The following FNDC3A variants were observed in gnomAD, a reference collection of about 807,000 sequenced individuals.
FNDC3A encodes fibronectin type-III domain-containing protein 3A.
A neutral mutation model predicts 148.9 loss-of-function variants in FNDC3A; 32 were observed. The ratio of observed to expected loss-of-function variants is 0.21; its 90% CI spans 0.16 to 0.29. The LOEUF is 0.29. FNDC3A is among the 10% of genes least tolerant of loss of function. The probability of loss-of-function intolerance (pLI) is 1.00; values close to 1 mark genes in which losing one functional copy is unlikely to be tolerated. For missense variants in FNDC3A, 1,191 were observed against 1,452.8 expected (o/e 0.82, Z 2.93); for synonymous variants, 472 against 473.6 (o/e 1.00, Z 0.04).
At chr13:49,074,697 G>A (rs1353221143) in intron 2 of FNDC3A, among the ~76,000 whole-genome samples, 1 of 152,098 alleles carries the variant, frequency 6.6e-6, no homozygotes, top group Non-Finnish European at 1.5e-5. Context: ...AATTAATCCT[G>A]TGCAGCATAA....
chr13:49,198,804 C>T (rs1011956011), intron 23 of FNDC3A, among the ~76,000 whole-genome samples: 2 of 151,972 alleles, frequency 1.3e-5, no homozygotes, highest in Non-Finnish European at 1.5e-5. Context: ...TTTTCAAAAA[C>T]GAAGTCAAGA....
rs1022351352 is a variant in FNDC3A at position 49,131,712 on chromosome 13, G to T, written c.490+338G>T. ...ACCATGTCATTGTTAAATCCTATTG[G>T]CTGTGATGCCACTACACAAAGCTGC... On this transcript the variant is annotated intron_variant, in intron 5 of 25. Transcript: ENST00000492622. 4.7e-4 allele frequency among the ~76,000 whole-genome samples: 71 copies of T among 152,252 alleles called. 1 individual carries two copies. The highest frequency in any genetic ancestry group is 4.4e-3 in the Admixed American group (68 of 15,296).
chr13:49,164,410 C>T (rs1027442441), intron 8 of FNDC3A, among the ~76,000 whole-genome samples: 2 of 152,132 alleles, frequency 1.3e-5, no homozygotes, highest in Non-Finnish European at 2.9e-5. Context: ...TGTTTCATAT[C>T]TGACTCTCTG....
chr13:49,025,074 G>A (rs536671569), intron 2 of FNDC3A, among the ~76,000 whole-genome samples: 5 of 152,060 alleles, frequency 3.3e-5, no homozygotes, highest in South Asian at 2.1e-4. Flanking sequence ...AGGACAAACC[G>A]TAAATCATTA....
intron 4 of FNDC3A, among the ~76,000 whole-genome samples, chr13:49,122,224 A>C (rs1881397305): frequency 6.6e-6 from 1 of 152,184 alleles, no homozygotes; most frequent in Non-Finnish European, 1.5e-5. Context: ...GTAATCTATC[A>C]CATAAACAGC....
Position 49,174,667 on chromosome 13 carries a change from T to A in FNDC3A, c.1355+108T>A, listed in dbSNP as rs183564412. 7.0e-6 allele frequency: 7 copies of A among 1,003,036 alleles called. No homozygotes were observed. The Admixed American group carries it at 1.9e-4, about 27-fold the overall frequency. The allele number at this position is 1,003,036 out of a possible 1,614,324, so 62.1% of individuals were successfully genotyped here. On this transcript the variant is annotated intron_variant, in intron 12 of 25. Transcript: ENST00000492622. ...TATTCATTAAAAATTCTGCTTAGTT[T>A]ATCTCTTTGTTGATATAGTTAAGAT...
chr13:49,099,165 T>C (rs1879709547), intron 3 of FNDC3A, among the ~76,000 whole-genome samples: 1 of 152,182 alleles, frequency 6.6e-6, no homozygotes, highest in Admixed American at 6.6e-5. Flanking sequence ...TTTAAAACAA[T>C]ATTATTAGTA....
rs373377735 is a variant in FNDC3A at position 49,145,539 on chromosome 13, G to T, written c.820-239G>T. Among the ~76,000 whole-genome samples the T allele has an allele frequency of 2.0e-5, 3 of 151,964 alleles. No homozygotes were observed. The East Asian group carries it at 5.8e-4, about 29-fold the overall frequency. On this transcript the variant is annotated intron_variant, in intron 7 of 25. Transcript: ENST00000492622. ...ATCCCAGTTTTTTTCTTTTGACTAT[G>T]TATGGTGTCTACGCTAATAGTTTTG...
intron 5 of FNDC3A, among the ~76,000 whole-genome samples, chr13:49,135,692 GA>G (rs1381531918): frequency 6.6e-6 from 1 of 152,054 alleles, no homozygotes; most frequent in African/African-American, 2.4e-5. Context: ...AAACTCTGGG[GA>G]CAATTGAATT....
At chr13:49,066,006 T>C (rs1877236955) in intron 2 of FNDC3A, among the ~76,000 whole-genome samples, 1 of 152,182 alleles carries the variant, frequency 6.6e-6, no homozygotes, top group African/African-American at 2.4e-5. Flanking sequence ...CATTTACTTA[T>C]TCTCCTACTC....
intron 3 of FNDC3A, among the ~76,000 whole-genome samples, chr13:49,080,872 C>A (rs1878423060): frequency 6.6e-6 from 1 of 152,136 alleles, no homozygotes; most frequent in African/African-American, 2.4e-5. Flanking sequence ...TAGATATCAT[C>A]TGTTCTGTGA....
chr13:49,194,834 T>C (rs1053141212), intron 19 of FNDC3A, among the ~76,000 whole-genome samples: 1 of 152,152 alleles, frequency 6.6e-6, no homozygotes, highest in African/African-American at 2.4e-5. Flanking sequence ...TATATAGCTT[T>C]AAACTATATA....
At chr13:49,179,781 C>A (rs1300910734) in intron 14 of FNDC3A, among the ~76,000 whole-genome samples, 1 of 152,154 alleles carries the variant, frequency 6.6e-6, no homozygotes, top group Non-Finnish European at 1.5e-5. Flanking sequence ...TCTTTGAGCC[C>A]TTCCTTTCTG....
chr13:49,150,732 G>T (rs538263912), intron 8 of FNDC3A, among the ~76,000 whole-genome samples: 31 of 152,130 alleles, frequency 2.0e-4, no homozygotes, highest in Non-Finnish European at 4.3e-4. Context: ...AGATCACGAT[G>T]GCAAGAGATC....
chr13:49,178,543 A>G, intron 13 of FNDC3A, 25 bp from the exon 14 acceptor site: 1 of 1,403,376 alleles, frequency 7.1e-7, no homozygotes, highest in Non-Finnish European at 1.0e-6. Flanking sequence ...ACATCGAATG[A>G]AGACTTTGTT....
intron 8 of FNDC3A, among the ~76,000 whole-genome samples, chr13:49,148,293 G>C (rs1291768067): frequency 2.0e-5 from 3 of 152,056 alleles, no homozygotes; most frequent in African/African-American, 7.2e-5. Context: ...GCTTAAACCA[G>C]TGTCCTGAAG....
chr13:49,057,075 C>T (rs1338114310), intron 2 of FNDC3A, among the ~76,000 whole-genome samples: 1 of 152,070 alleles, frequency 6.6e-6, no homozygotes, highest in Non-Finnish European at 1.5e-5. Flanking sequence ...TGGCTTTTTC[C>T]AGGTACTCAG....
At chr13:49,054,193 C>A (rs1876060610) in intron 2 of FNDC3A, among the ~76,000 whole-genome samples, 1 of 152,130 alleles carries the variant, frequency 6.6e-6, no homozygotes, top group Admixed American at 6.5e-5. Flanking sequence ...GGTCCTTAGT[C>A]AGGTAGGGCA....
At chr13:49,040,765 T>C (rs1566208363) in intron 2 of FNDC3A, among the ~76,000 whole-genome samples, 1 of 152,188 alleles carries the variant, frequency 6.6e-6, no homozygotes, top group African/African-American at 2.4e-5. Context: ...CCTGTGCAAA[T>C]AGAGACATCA....
Sources: allele counts gnomAD v4.1 joint callset (sites outside exome capture counted in the v4.1 genomes callset), GRCh38; gene constraint gnomAD v4.1.1; transcripts MANE v1.5; gene names NCBI Gene and HGNC (gene_info 2026-07-23, HGNC 2026-07-21).